ZSWIM6: variants seen among roughly 807,000 people sequenced by gnomAD.
The protein encoded by ZSWIM6 is zinc finger SWIM-type containing 6.
ZSWIM6 carries 9 observed loss-of-function variants against 113.2 expected under a neutral mutation model. The ratio of observed to expected loss-of-function variants is 0.08; its 90% CI spans 0.05 to 0.14. The LOEUF is 0.14. Among genes scored for constraint, ZSWIM6 ranks in the 10% least tolerant of loss-of-function variants. ZSWIM6 has a pLI of 1.00. For synonymous variants in ZSWIM6, 611 were observed against 606.5 expected (o/e 1.01, Z -0.11); for missense variants, 1,162 against 1,552.2 (o/e 0.75, Z 4.22).
chr5:61,417,781 A>G (rs1419206467), intron 1 of ZSWIM6, among the ~76,000 whole-genome samples: 1 of 152,214 alleles, frequency 6.6e-6, no homozygotes, highest in Non-Finnish European at 1.5e-5. Flanking sequence ...AGAGTTTTGG[A>G]GAATGGGTAG....
chr5:61,469,703 C>T (rs973632578), intron 1 of ZSWIM6, among the ~76,000 whole-genome samples: 1 of 151,982 alleles, frequency 6.6e-6, no homozygotes, highest in Non-Finnish European at 1.5e-5. Flanking sequence ...AGGCCTCCCC[C>T]CAACCTTTTT....
chr5:61,380,562 G>A (rs1745453193), intron 1 of ZSWIM6, among the ~76,000 whole-genome samples: 1 of 152,196 alleles, frequency 6.6e-6, no homozygotes, highest in Non-Finnish European at 1.5e-5. Context: ...GCATTCATAT[G>A]AAGCCTGAGA....
At chr5:61,507,977 G>C (rs1748669853) in intron 4 of ZSWIM6, among the ~76,000 whole-genome samples, 1 of 152,144 alleles carries the variant, frequency 6.6e-6, no homozygotes, top group Non-Finnish European at 1.5e-5. Context: ...ACACCATAGT[G>C]TTTAAGAATA....
intron 1 of ZSWIM6, among the ~76,000 whole-genome samples, chr5:61,373,131 A>G (rs1220124899): frequency 6.6e-6 from 1 of 152,136 alleles, no homozygotes. Flanking sequence ...AATACCTTAT[A>G]GAGTGGGGTC....
intron 2 of ZSWIM6, among the ~76,000 whole-genome samples, chr5:61,484,708 G>C (rs1747969190): frequency 6.6e-6 from 1 of 152,170 alleles, no homozygotes; most frequent in African/African-American, 2.4e-5. Context: ...AAAGCTTTCT[G>C]TAAAAGAGAG....
chr5:61,333,000 G>A, intron 1 of ZSWIM6, 52 bp downstream of exon 1: 7 of 433,678 alleles, frequency 1.6e-5, no homozygotes, highest in South Asian at 6.6e-5. Flanking sequence ...GTCCCTGGGT[G>A]GGGGGGGGGT....
At chr5:61,434,297 A>G (rs1207437104) in intron 1 of ZSWIM6, among the ~76,000 whole-genome samples, 1 of 151,042 alleles carries the variant, frequency 6.6e-6, no homozygotes, top group Non-Finnish European at 1.5e-5. Flanking sequence ...AGTTACTTAA[A>G]GTTTTTTTTA....
chr5:61,358,598 T>C (rs1348545244), intron 1 of ZSWIM6, among the ~76,000 whole-genome samples: 1 of 152,242 alleles, frequency 6.6e-6, no homozygotes, highest in Non-Finnish European at 1.5e-5. Context: ...TTTTCATTCA[T>C]TAACTTTTAT....
chr5:61,434,835 A>G (rs566186247), intron 1 of ZSWIM6, among the ~76,000 whole-genome samples: 1 of 152,328 alleles, frequency 6.6e-6, no homozygotes, highest in Non-Finnish European at 1.5e-5. Flanking sequence ...GTAAAATTAA[A>G]ATTCTCATAA....
At chr5:61,374,113 A>C (rs1435165453) in intron 1 of ZSWIM6, among the ~76,000 whole-genome samples, 5 of 152,188 alleles carry the variant, frequency 3.3e-5, no homozygotes, top group Admixed American at 1.3e-4. Context: ...AATGGACATG[A>C]TTTTCTAATT....
intron 1 of ZSWIM6, among the ~76,000 whole-genome samples, chr5:61,381,843 T>G (rs1745493463): frequency 1.3e-5 from 2 of 152,258 alleles, no homozygotes; most frequent in Admixed American, 1.3e-4. Context: ...TGTGGATACA[T>G]GTAATACAAT....
At chr5:61,351,597 A>G (rs550799797) in intron 1 of ZSWIM6, among the ~76,000 whole-genome samples, 1 of 152,330 alleles carries the variant, frequency 6.6e-6, no homozygotes, top group South Asian at 2.1e-4. Flanking sequence ...ATGAACTCAA[A>G]TCTTACTTGT....
rs1253927089 is a variant in ZSWIM6 at position 61,487,571 on chromosome 5, CTG to C, written c.1034-3213_1034-3212del. Among the ~76,000 whole-genome samples, 3 of 151,914 alleles carry C rather than the reference CTG, an allele frequency of 2.0e-5. No individual in the cohort carries two copies. The East Asian group carries it at 5.8e-4, about 29-fold the overall frequency. On this transcript the variant is annotated intron_variant, in intron 2 of 13. Transcript: ENST00000252744. The stretch of plus-strand genomic sequence containing the variant: ...GTGTCATCTTTAATTTCATTCATCA[CTG>C]TTTTATAGTTTTTTTGTAGAAATAT...
At chr5:61,490,658 T>C in intron 2 of ZSWIM6, 128 bp from the exon 3 acceptor site, 1 of 925,108 alleles carries the variant, frequency 1.1e-6, no homozygotes, top group Non-Finnish European at 1.6e-6. Flanking sequence ...ATTTAGTTTG[T>C]CACAAATTTG....
At chr5:61,359,458 A>C (rs961572881) in intron 1 of ZSWIM6, among the ~76,000 whole-genome samples, 4 of 152,164 alleles carry the variant, frequency 2.6e-5, no homozygotes, top group Admixed American at 2.6e-4. Flanking sequence ...TGGAAGCTGC[A>C]AGCAGAGAAA....
At chr5:61,334,144 G>C (rs529799743) in intron 1 of ZSWIM6, among the ~76,000 whole-genome samples, 2 of 152,348 alleles carry the variant, frequency 1.3e-5, no homozygotes, top group African/African-American at 4.8e-5. Context: ...ATTTAGAGCT[G>C]CACAGCCTTC....
intron 1 of ZSWIM6, among the ~76,000 whole-genome samples, chr5:61,363,107 G>C (rs1477892978): frequency 6.6e-6 from 1 of 152,186 alleles, no homozygotes; most frequent in Non-Finnish European, 1.5e-5. Context: ...GTTGTAGGGA[G>C]CCAGCTTACA....
chr5:61,539,783 G>A (rs1228513522), intron 12 of ZSWIM6, 24 bp downstream of exon 12: 1 of 1,539,862 alleles, frequency 6.5e-7, no homozygotes, highest in Non-Finnish European at 8.8e-7. Flanking sequence ...AGTCTTTCCT[G>A]GGACATCAAA....
At chr5:61,370,604 A>C (rs1200870782) in intron 1 of ZSWIM6, among the ~76,000 whole-genome samples, 1 of 152,248 alleles carries the variant, frequency 6.6e-6, no homozygotes, top group East Asian at 1.9e-4. Context: ...CATGAGGCTC[A>C]GATGGAGTGT....
Sources: allele counts gnomAD v4.1 joint callset (sites outside exome capture counted in the v4.1 genomes callset), GRCh38; gene constraint gnomAD v4.1.1; transcripts MANE v1.5; gene names NCBI Gene and HGNC (gene_info 2026-07-23, HGNC 2026-07-21).